Variants in PTPN4 observed in about 807,000 individuals in gnomAD.
The protein encoded by PTPN4 is protein tyrosine phosphatase non-receptor type 4.
In PTPN4, 49 loss-of-function variants were observed where a neutral mutation model predicts 135.5. That is an observed-to-expected ratio of 0.36 (90% CI 0.29 to 0.46). The LOEUF (loss-of-function observed/expected upper bound fraction) is 0.46. Among genes scored for constraint, PTPN4 ranks in the 20% least tolerant of loss-of-function variants. The pLI is 1.00. For synonymous variants in PTPN4, 333 were observed against 369.9 expected (o/e 0.90, Z 1.14); for missense variants, 860 against 1,101.0 (o/e 0.78, Z 3.10).
intron 12 of PTPN4, among the ~76,000 whole-genome samples, chr2:119,920,516 G>A (rs976718581): frequency 2.0e-5 from 3 of 152,178 alleles, no homozygotes; most frequent in African/African-American, 7.2e-5. Flanking sequence ...AATAAAGACA[G>A]ATGACATAAT....
At position 119,957,703 on chromosome 2, in the gene PTPN4, G is replaced by A. The variant is rs145111048; in HGVS notation, c.2133+626G>A. Among the ~76,000 whole-genome samples, 118 of 151,954 alleles carry A rather than the reference G, an allele frequency of 7.8e-4. No homozygotes were observed. In the Middle Eastern group the frequency reaches 0.017, roughly 22 times the overall value. On this transcript the variant is annotated intron_variant, in intron 22 of 26. Coordinates refer to ENST00000263708, the MANE Select transcript of PTPN4 (RefSeq NM_002830.4). The stretch of plus-strand genomic sequence containing the variant: ...CAAATGTACAAAATTAAAGCAAACC[G>A]TAAAATCAACCTTCATGTACACATC...
intron 3 of PTPN4, among the ~76,000 whole-genome samples, chr2:119,866,315 T>C (rs757621851): frequency 1.7e-4 from 26 of 152,082 alleles, no homozygotes; most frequent in Non-Finnish European, 3.1e-4. Context: ...TATTAATTAT[T>C]GTTGGCCTGA....
intron 10 of PTPN4, among the ~76,000 whole-genome samples, chr2:119,901,167 G>A (rs1186206411): frequency 6.6e-6 from 1 of 152,146 alleles, no homozygotes; most frequent in Non-Finnish European, 1.5e-5. Flanking sequence ...ACCCAATTTA[G>A]ACCCCTCCTG....
At chr2:119,837,010 C>T (rs1677304781) in intron 2 of PTPN4, among the ~76,000 whole-genome samples, 1 of 152,138 alleles carries the variant, frequency 6.6e-6, no homozygotes, top group South Asian at 2.1e-4. Flanking sequence ...GGCTTCTGGG[C>T]GTAAAGGGGA....
Position 119,850,288 on chromosome 2 carries a change from T to C in PTPN4, c.139-12248T>C, listed in dbSNP as rs886201378. Among the ~76,000 whole-genome samples the C allele has an allele frequency of 2.0e-5, 3 of 152,214 alleles. No homozygotes were observed. In the South Asian group the frequency reaches 6.2e-4, roughly 32 times the overall value. On this transcript the variant is annotated intron_variant, in intron 2 of 26. Transcript: ENST00000263708. The stretch of plus-strand genomic sequence containing the variant: ...TCCTGCCTTACAAGCAGGGCTCTTG[T>C]AGGGGCAGTGTCCTTTACTTGATTT...
intron 2 of PTPN4, among the ~76,000 whole-genome samples, chr2:119,826,123 T>C (rs745823888): frequency 3.3e-5 from 5 of 152,154 alleles, no homozygotes; most frequent in Non-Finnish European, 5.9e-5. Flanking sequence ...ATGCACATAT[T>C]CTCTGGCCTT....
At chr2:119,829,204 T>C (rs1436865643) in intron 2 of PTPN4, among the ~76,000 whole-genome samples, 7 of 152,198 alleles carry the variant, frequency 4.6e-5, no homozygotes, top group Non-Finnish European at 1.0e-4. Flanking sequence ...CTTTTTACTT[T>C]GTGTGTTTTT....
intron 2 of PTPN4, among the ~76,000 whole-genome samples, chr2:119,820,883 A>ACG (rs1553444611): frequency 7.0e-6 from 1 of 141,972 alleles, no homozygotes. Flanking sequence ...ACATACACAC[A>ACG]TGTGTGTGTA....
chr2:119,863,877 A>G (rs1677794569), intron 3 of PTPN4, among the ~76,000 whole-genome samples: 1 of 152,166 alleles, frequency 6.6e-6, no homozygotes, highest in African/African-American at 2.4e-5. Flanking sequence ...TTGTTTCCTG[A>G]TAAATAAACC....
Position 119,981,140 on chromosome 2 carries a change from CTTTTATTTTGTGGTAGTT to C in PTPN4, c.*4071_*4088del, listed in dbSNP as rs1215273442. 9 of 152,090 alleles carry C rather than the reference CTTTTATTTTGTGGTAGTT, an allele frequency of 5.9e-5. No homozygotes were observed. The highest frequency in any genetic ancestry group is 2.2e-4 in the African/African-American group (9 of 41,550). 9.4% of individuals were successfully genotyped at this position (152,090 alleles called of 1,614,324 possible). A position where few individuals can be genotyped will look rare whatever the true frequency, so the allele number is the denominator to read the frequency against. ...ATAATGTGGGATATGTTTACAGGCT[CTTTTATTTTGTGGTAGTT>C]ACTTTATAGTTCAGATGAATTTGCA... On this transcript the variant is annotated 3_prime_UTR_variant, in exon 27 of 27. Coordinates refer to ENST00000263708, the MANE Select transcript of PTPN4 (RefSeq NM_002830.4).
chr2:119,808,297 G>A (rs1224861073), intron 1 of PTPN4, among the ~76,000 whole-genome samples: 1 of 152,162 alleles, frequency 6.6e-6, no homozygotes, highest in Non-Finnish European at 1.5e-5. Flanking sequence ...GTCCCTGTTT[G>A]CAGATGACAT....
At chr2:119,787,080 T>TGTGTGTGGGTGCACACGTGTGC (rs1691060485) in intron 1 of PTPN4, among the ~76,000 whole-genome samples, 1 of 152,176 alleles carries the variant, frequency 6.6e-6, no homozygotes. Flanking sequence ...GGTGTGTAGG[T>TGTGTGTGGGTGCACACGTGTGC]GTGTGTGGGT....
intron 2 of PTPN4, among the ~76,000 whole-genome samples, chr2:119,843,292 G>A (rs1405595213): frequency 7.1e-6 from 1 of 140,152 alleles, no homozygotes; most frequent in Non-Finnish European, 1.5e-5. Context: ...GTTTCAGAGA[G>A]CACAGGGTTG....
chr2:119,767,337 T>C (rs1690646323), intron 1 of PTPN4, among the ~76,000 whole-genome samples: 1 of 152,266 alleles, frequency 6.6e-6, no homozygotes, highest in Non-Finnish European at 1.5e-5. Context: ...TAATTTCATT[T>C]GGCTTTTTTC....
chr2:119,946,519 G>A lies in PTPN4; in HGVS notation c.1601G>A (p.Gly534Glu). The change falls in exon 18 of 27, where the codon GGA becomes GAA. Residue 534 changes from glycine to glutamate, a missense_variant and splice_region_variant. Physicochemically the swap from Gly to Glu is moderately conservative, Grantham distance 98. This residue lies in a region of PTPN4 where 684 missense variants were observed against 807.0 expected (regional missense o/e 0.85). Transcript: ENST00000263708. ...ENGRFGFNVK[G>E]GYDQKMPVIV... ...CATTTTACTTATTCTCTTTTTAAGG[G>A]AGGATATGATCAGAAGATGCCTGTG... 1 of 1,608,394 alleles carries A rather than the reference G, an allele frequency of 6.2e-7. No individual in the cohort carries two copies. Among genetic ancestry groups the A allele is most frequent in the Non-Finnish European group, 8.5e-7 (1 of 1,176,702 alleles).
chr2:119,802,472 A>T lies in PTPN4; in HGVS notation c.-17-7365A>T, dbSNP rs375791132. On this transcript the variant is annotated intron_variant, in intron 1 of 26. Coordinates refer to ENST00000263708, the MANE Select transcript of PTPN4 (RefSeq NM_002830.4). ...CTTTCCTGCATTGATTAAAAAGGTC[A>T]TGTGATTTTTCTCCCTTAGTCTGTT... 6.6e-5 allele frequency among the ~76,000 whole-genome samples: 10 copies of T among 152,304 alleles called. No homozygotes were observed. The East Asian group carries it at 7.7e-4, about 12-fold the overall frequency.
intron 5 of PTPN4, among the ~76,000 whole-genome samples, chr2:119,878,089 C>A (rs150964923): frequency 6.6e-6 from 1 of 152,086 alleles, no homozygotes; most frequent in Non-Finnish European, 1.5e-5. Context: ...CATGTTGAGG[C>A]CTTTACATGC....
intron 5 of PTPN4, among the ~76,000 whole-genome samples, chr2:119,880,855 T>C (rs759439916): frequency 6.6e-5 from 10 of 152,136 alleles, no homozygotes; most frequent in Non-Finnish European, 1.3e-4. Context: ...GTAATGAATA[T>C]CTGATTCTCT....
chr2:119,889,191 G>A (rs1399167863), intron 9 of PTPN4, among the ~76,000 whole-genome samples: 4 of 152,102 alleles, frequency 2.6e-5, no homozygotes, highest in Non-Finnish European at 4.4e-5. Context: ...AGGCCAAGAC[G>A]GGCGGATCAC....
Sources: gnomAD v4.1 joint callset for allele counts (sites outside exome capture counted in the v4.1 genomes callset) on GRCh38, gnomAD v4.1.1 for gene constraint, gnomAD v4.1.1 regional missense constraint, MANE v1.5 for transcripts, NCBI Gene and HGNC (gene_info 2026-07-23, HGNC 2026-07-21) for gene names.